Variants in CPS1 observed in about 807,000 individuals in gnomAD.
CPS1 encodes the protein carbamoyl-phosphate synthase 1, also known as carbamoyl-phosphate synthase [ammonia], mitochondrial.
In CPS1, 109 loss-of-function variants were observed where a neutral mutation model predicts 174.6. That is an observed-to-expected ratio of 0.62 (90% confidence interval 0.53 to 0.73). The LOEUF is 0.73. Ranked by LOEUF, CPS1 falls within the 30% of genes least tolerant of loss-of-function variation. The pLI, the probability that CPS1 is intolerant of heterozygous loss-of-function variation, is 0.00. For missense variants in CPS1, 1,689 were observed against 1,821.9 expected (o/e 0.93, Z 1.33); for synonymous variants, 637 against 632.0 (o/e 1.01, Z -0.12).
chr2:210,599,503 G>A lies in CPS1; in HGVS notation c.1491G>A (p.Lys497=), dbSNP rs780077343. The change falls in exon 14 of 38, where the codon AAG becomes AAA. Residue 497 remains lysine (K), a synonymous_variant. Coordinates refer to ENST00000233072, the MANE Select transcript of CPS1 (RefSeq NM_001875.5). ...ITPQFVTEVI[K]AEQPDGLILG... is the part of the protein sequence containing the mutation. ...CTCAGTTTGTCACAGAGGTCATCAA[G>A]GCAGAACAGCCAGATGGGTTAATTC... is the stretch of plus-strand genomic sequence containing the variant. 3.1e-6 allele frequency: 5 copies of A among 1,612,548 alleles called. No homozygotes were observed. The South Asian group carries it at 5.5e-5, about 18-fold the overall frequency.
intron 1 of CPS1, among the ~76,000 whole-genome samples, chr2:210,544,342 C>G (rs892802704): frequency 6.6e-6 from 1 of 152,042 alleles, no homozygotes; most frequent in Non-Finnish European, 1.5e-5. Flanking sequence ...AAGAGCTCTT[C>G]TTGATGATTA....
intron 1 of CPS1, among the ~76,000 whole-genome samples, chr2:210,541,660 T>C (rs1426354251): frequency 6.6e-6 from 1 of 152,098 alleles, no homozygotes; most frequent in East Asian, 1.9e-4. Context: ...AAAAAGAAAA[T>C]GTTCTTAGAA....
intron 5 of CPS1, 63 bp downstream of exon 5, chr2:210,579,833 T>C: frequency 7.5e-7 from 1 of 1,333,752 alleles, no homozygotes; most frequent in Non-Finnish European, 1.1e-6. Flanking sequence ...TGTGTGTGTG[T>C]GGTGTTTCCC....
At chr2:210,526,279 G>C (rs1350699757) in intron 1 of CPS1, among the ~76,000 whole-genome samples, 1 of 151,640 alleles carries the variant, frequency 6.6e-6, no homozygotes, top group Non-Finnish European at 1.5e-5. Context: ...AATACCTAAT[G>C]TAGATGATGG....
chr2:210,616,454 T>C lies in CPS1; in HGVS notation c.2600T>C (p.Ile867Thr), dbSNP rs372643229. 43 of 1,612,092 alleles carry C rather than the reference T, an allele frequency of 2.7e-5. No homozygotes were observed. Among genetic ancestry groups the C allele is most frequent in the African/African-American group, 1.1e-4 (8 of 74,790 alleles). The change falls in exon 21 of 38, where the codon ATT (isoleucine) becomes ACT (threonine). Residue 867 changes from isoleucine (I) to threonine (T), a missense_variant. By Grantham distance (89) the Ile-to-Thr change is moderately conservative. Transcript: ENST00000233072. ...AIDDNMSLDE[I>T]EKLTYIDKWF... ...GATGACAACATGTCCCTTGATGAGA[T>C]TGAGAAGCTCACATACATTGACAAG...
intron 11 of CPS1, chr2:210,593,745 GT>G: frequency 1.3e-6 from 1 of 748,406 alleles, no homozygotes; most frequent in Non-Finnish European, 1.6e-6. Flanking sequence ...CTGAATTGCC[GT>G]TTTAGATATT....
At chr2:210,512,849 GAT>G (rs1260397507) in intron 1 of CPS1, among the ~76,000 whole-genome samples, 903 of 66,294 alleles carry the variant, frequency 0.014, 125 homozygotes, top group African/African-American at 0.056. Flanking sequence ...CATATATGGA[GAT>G]ATATATATAT....
At chr2:210,529,817 A>G (rs1004112729) in intron 1 of CPS1, among the ~76,000 whole-genome samples, 1 of 151,954 alleles carries the variant, frequency 6.6e-6, no homozygotes, top group Non-Finnish European at 1.5e-5. Context: ...CATTTATTCT[A>G]TCCCCATTTT....
chr2:210,573,515 ATTGTCCTGAAGT>A, intron 2 of CPS1, 108 bp downstream of exon 2: 2 of 882,854 alleles, frequency 2.3e-6, no homozygotes, highest in Non-Finnish European at 3.8e-6. Flanking sequence ...AAGACTACGT[ATTGTCCTGAAGT>A]TGCACCATGC....
In CPS1 at chr2:210,634,781, C is replaced by A. The variant is rs543150505; in HGVS notation, c.2688-2921C>A. On this transcript the variant is annotated intron_variant, in intron 21 of 37. Coordinates refer to ENST00000233072, the MANE Select transcript of CPS1 (RefSeq NM_001875.5). The stretch of plus-strand genomic sequence containing the variant: ...AGGTCTGATACAGAGCACGTACTCA[C>A]TAAATGTTAAAGCAGTAATGACAAT... Among the ~76,000 whole-genome samples, 4 of 152,298 alleles carry A rather than the reference C, an allele frequency of 2.6e-5. No homozygotes were observed. In the East Asian group the frequency reaches 5.8e-4, roughly 22 times the overall value.
chr2:210,582,693 C>T lies in CPS1; in HGVS notation c.605C>T (p.Ala202Val), dbSNP rs1050555232. 6.2e-7 allele frequency: 1 copy of T among 1,612,250 alleles called. No individual in the cohort carries two copies. ...FVDPNKQNLI[A>V]EVSTKDVKVY... is the part of the protein sequence containing the mutation. ...GATCCAAATAAACAGAATTTGATTG[C>T]TGAGGTTTCAACCAAGGTGAGGGGT... The change falls in exon 6 of 38, where the codon GCT becomes GTT. Residue 202 changes from alanine to valine, a missense_variant. Transcript: ENST00000233072.
chr2:210,599,798 A>G (rs1456521882), intron 14 of CPS1, among the ~76,000 whole-genome samples: 1 of 151,930 alleles, frequency 6.6e-6, no homozygotes, highest in Non-Finnish European at 1.5e-5. Context: ...CAGAGTGGCC[A>G]GTAGGTTTCT....
intron 1 of CPS1, among the ~76,000 whole-genome samples, chr2:210,567,547 T>A (rs1489108832): frequency 3.3e-5 from 5 of 152,168 alleles, no homozygotes; most frequent in Admixed American, 3.3e-4. Flanking sequence ...ATGTTTGGGT[T>A]ATATATACTG....
intron 1 of CPS1, among the ~76,000 whole-genome samples, chr2:210,505,909 C>T (rs796182842): frequency 7.9e-5 from 12 of 152,250 alleles, no homozygotes; most frequent in African/African-American, 2.6e-4. Context: ...CTGGGTGGAG[C>T]CCACCGCAGC....
At chr2:210,527,215 T>C (rs2105995624) in intron 1 of CPS1, among the ~76,000 whole-genome samples, 1 of 152,084 alleles carries the variant, frequency 6.6e-6, no homozygotes, top group Admixed American at 6.6e-5. Context: ...TATACTAAGT[T>C]GATCATTTTC....
intron 1 of CPS1, among the ~76,000 whole-genome samples, chr2:210,531,247 A>C (rs1477138094): frequency 6.6e-6 from 1 of 152,090 alleles, no homozygotes; most frequent in Admixed American, 6.6e-5. Flanking sequence ...GACGGGGGAA[A>C]AAAGTACGAG....
At position 210,660,579 on chromosome 2, in the gene CPS1, T is replaced by G. The variant is rs1310359573; in HGVS notation, c.3851T>G (p.Ile1284Ser). Residue 1284 changes from isoleucine to serine, a missense_variant, in exon 32 of 38, where the codon ATT becomes AGT. By Grantham distance (142) the Ile-to-Ser change is moderately radical (BLOSUM62 -2). Transcript: ENST00000233072. The stretch of plus-strand genomic sequence containing the variant: ...ATTGATGTGGCCACCAAGGTGATGA[T>G]TGGAGAGAATGTTGATGAGAAACAT... ...DFIDVATKVM[I>S]GENVDEKHLP... 6.2e-7 allele frequency: 1 copy of G among 1,614,138 alleles called. No individual in the cohort carries two copies. The highest frequency in any genetic ancestry group is 1.1e-5 in the South Asian group (1 of 91,082).
intron 11 of CPS1, 22 bp downstream of exon 11, chr2:210,592,978 T>G: frequency 6.3e-7 from 1 of 1,598,000 alleles, no homozygotes; most frequent in Non-Finnish European, 8.6e-7. Context: ...AGATGAGGCC[T>G]ATTATGTATG....
chr2:210,514,512 T>G (rs2105980316), intron 1 of CPS1, among the ~76,000 whole-genome samples: 1 of 152,012 alleles, frequency 6.6e-6, no homozygotes, highest in East Asian at 1.9e-4. Context: ...ATGCTCTGGA[T>G]TTTTGTACAT....
Sources: allele counts gnomAD v4.1 joint callset (sites outside exome capture counted in the v4.1 genomes callset), GRCh38; gene constraint gnomAD v4.1.1; transcripts MANE v1.5; gene names NCBI Gene and HGNC (gene_info 2026-07-23, HGNC 2026-07-21).